Variants in PKD2 observed in about 807,000 individuals in gnomAD.
PKD2 encodes the protein polycystin-2.
A neutral mutation model predicts 105.9 loss-of-function variants in PKD2; 48 were observed. The ratio of observed to expected loss-of-function variants is 0.45; its 90% CI spans 0.36 to 0.58. The LOEUF is 0.58. Ranked by LOEUF, PKD2 falls within the 20% of genes least tolerant of loss-of-function variation. The probability of loss-of-function intolerance (pLI) is 0.00; values close to 1 mark genes in which losing one functional copy is unlikely to be tolerated. For missense variants in PKD2, 1,078 were observed against 1,255.3 expected, an observed-to-expected ratio of 0.86 and a Z score of 2.13; for synonymous variants, 464 against 481.1, an observed-to-expected ratio of 0.96 and a Z score of 0.46.
intron 2 of PKD2, among the ~76,000 whole-genome samples, chr4:88,033,351 C>T (rs1441089279): frequency 6.6e-6 from 1 of 151,434 alleles, no homozygotes; most frequent in Non-Finnish European, 1.5e-5. Flanking sequence ...CACATGAGCC[C>T]ATGAGATTGA....
chr4:88,008,348 A>G lies in PKD2; in HGVS notation c.595+20A>G, dbSNP rs1239084661. 5 of 1,499,076 alleles carry G rather than the reference A, an allele frequency of 3.3e-6. No homozygotes were observed. The South Asian group carries it at 4.9e-5, about 15-fold the overall frequency. The allele number at this position is 1,499,076 out of a possible 1,614,324, so 92.9% of individuals were successfully genotyped here. On this transcript the variant is annotated intron_variant, in intron 1 of 14. Coordinates refer to ENST00000237596, the MANE Select transcript of PKD2 (RefSeq NM_000297.4). ...TGCGAGGTAAGAGCGCGCGACCCGC[A>G]GCGGCAGATGCACGAACCAGAACGG...
intron 6 of PKD2, among the ~76,000 whole-genome samples, chr4:88,050,736 C>T (rs1180932836): frequency 1.3e-5 from 2 of 152,202 alleles, no homozygotes; most frequent in Non-Finnish European, 2.9e-5. Context: ...CCTATTCCCA[C>T]TGCAGGCCTT....
chr4:88,075,459 A>T lies in PKD2; in HGVS notation c.2672A>T (p.Asp891Val), dbSNP rs942844617. 3 of 1,612,366 alleles carry T rather than the reference A, an allele frequency of 1.9e-6. No individual in the cohort carries two copies. The highest frequency in any genetic ancestry group is 8.5e-7 in the Non-Finnish European group (1 of 1,178,548). ...ACCAGTTTCTTTTTCCCTTTTTAGG[A>T]TGAAAGGCTGGGTCGTGACAGTGAA... ...LGRLLDGVAEDERLGRDSEIH... is the reference protein window; with the variant it reads ...LGRLLDGVAEVERLGRDSEIH... Residue 891 changes from aspartate to valine, a missense_variant and splice_region_variant, in exon 15 of 15, where the codon GAT (aspartate) becomes GTT (valine). By Grantham distance (152) the Asp-to-Val change is radical. Coordinates refer to ENST00000237596, the MANE Select transcript of PKD2 (RefSeq NM_000297.4).
chr4:88,027,698 C>G (rs1452158528), intron 2 of PKD2, among the ~76,000 whole-genome samples: 1 of 152,154 alleles, frequency 6.6e-6, no homozygotes, highest in Non-Finnish European at 1.5e-5. Flanking sequence ...AATCTCATCT[C>G]CAATTGTAAT....
At chr4:88,026,090 T>C (rs960346749) in intron 2 of PKD2, among the ~76,000 whole-genome samples, 3 of 151,656 alleles carry the variant, frequency 2.0e-5, no homozygotes, top group Non-Finnish European at 2.9e-5. Context: ...CCTGAAGATA[T>C]GGAAGCGACT....
At chr4:88,033,194 A>G (rs763776542) in intron 2 of PKD2, among the ~76,000 whole-genome samples, 1 of 152,138 alleles carries the variant, frequency 6.6e-6, no homozygotes, top group Non-Finnish European at 1.5e-5. Context: ...TGGGAGGCCG[A>G]GCAGGGAGGA....
At chr4:88,072,114 C>T (rs1721059575) in intron 13 of PKD2, among the ~76,000 whole-genome samples, 1 of 151,486 alleles carries the variant, frequency 6.6e-6, no homozygotes, top group African/African-American at 2.4e-5. Context: ...TCTCAAGTAG[C>T]TAGGACTACA....
At chr4:88,045,018 GAATAAA>G (rs150969915) in intron 5 of PKD2, among the ~76,000 whole-genome samples, 139 of 152,154 alleles carry the variant, frequency 9.1e-4, no homozygotes, top group African/African-American at 3.0e-3. Flanking sequence ...AAAAAGAAAA[GAATAAA>G]AAGGAAGAGA....
At chr4:88,017,739 T>C (rs563181218) in intron 1 of PKD2, among the ~76,000 whole-genome samples, 3 of 152,170 alleles carry the variant, frequency 2.0e-5, no homozygotes, top group African/African-American at 7.2e-5. Context: ...TAGGAGTTTG[T>C]TTTTTTCTAT....
intron 6 of PKD2, among the ~76,000 whole-genome samples, chr4:88,051,147 C>G (rs1204035488): frequency 6.6e-6 from 1 of 152,036 alleles, no homozygotes; most frequent in Non-Finnish European, 1.5e-5. Flanking sequence ...AGCTTAGAAC[C>G]AAAGCATATG....
chr4:88,032,976 T>C (rs1030596723), intron 2 of PKD2, among the ~76,000 whole-genome samples: 1 of 151,940 alleles, frequency 6.6e-6, no homozygotes, highest in Admixed American at 6.6e-5. Context: ...CAAAACCAAA[T>C]CATTATGACT....
rs1721221222 is a variant in PKD2 at position 88,075,947 on chromosome 4, G to A, written c.*253G>A. 2.1e-6 allele frequency: 1 copy of A among 484,558 alleles called. No individual in the cohort carries two copies. Among genetic ancestry groups the A allele is most frequent in the Non-Finnish European group, 3.7e-6 (1 of 267,106 alleles). 30.0% of individuals were successfully genotyped at this position (484,558 alleles called of 1,614,324 possible). A position where few individuals can be genotyped will look rare whatever the true frequency, so the allele number is the denominator to read the frequency against. On this transcript the variant is annotated 3_prime_UTR_variant, in exon 15 of 15. Coordinates refer to ENST00000237596, the MANE Select transcript of PKD2 (RefSeq NM_000297.4). ...AAAAAAAATCTTCATGATGTGTATT[G>A]AGCGGTACGCCCAGTTGCCACCATG... is the stretch of plus-strand genomic sequence containing the variant.
In PKD2 at chr4:88,036,336, A is replaced by G. The variant is rs745604753; in HGVS notation, c.826A>G (p.Met276Val). The stretch of plus-strand genomic sequence containing the variant: ...AACTAACTTTAAAACTCTGTCTTCC[A>G]TGGAAGACTTCTGGAAGGTATTTGC... ...EKTNFKTLSS[M>V]EDFWKFTEGS... The change falls in exon 3 of 15, where the codon ATG (methionine) becomes GTG (valine). Residue 276 changes from methionine to valine, a missense_variant. Physicochemically the swap from Met to Val is conservative, Grantham distance 21. Coordinates refer to ENST00000237596, the MANE Select transcript of PKD2 (RefSeq NM_000297.4). 16 of 1,613,776 alleles carry G rather than the reference A, an allele frequency of 9.9e-6. No individual in the cohort carries two copies. Among genetic ancestry groups the G allele is most frequent in the Admixed American group, 5.0e-5 (3 of 60,008 alleles).
chr4:88,007,808 C>A lies in PKD2; in HGVS notation c.75C>A (p.Asp25Glu), dbSNP rs1326771400. ...AKRPPAPRAP[D>E]PGRLMAGCAA... The stretch of plus-strand genomic sequence containing the variant: ...GGCCGCCCGCGCCCCGCGCGCCGGA[C>A]CCGGGCCGGCTGATGGCTGGCTGCG... Residue 25 changes from aspartate to glutamate, a missense_variant, in exon 1 of 15, where the codon GAC becomes GAA. Physicochemically the swap from Asp to Glu is conservative, Grantham distance 45. Around this residue, in one of 2 missense-constraint regions of PKD2, gnomAD observed 210 missense variants for 187.9 expected, o/e 1.12. Coordinates refer to ENST00000237596, the MANE Select transcript of PKD2 (RefSeq NM_000297.4). 1.7e-6 allele frequency: 2 copies of A among 1,165,852 alleles called. No individual in the cohort carries two copies. The highest frequency in any genetic ancestry group is 2.1e-6 in the Non-Finnish European group (2 of 948,300). The allele number at this position is 1,165,852 out of a possible 1,614,324, so 72.2% of individuals were successfully genotyped here. A position where few individuals can be genotyped will look rare whatever the true frequency, so the allele number is the denominator to read the frequency against.
chr4:88,025,127 G>A (rs894987797), intron 2 of PKD2, among the ~76,000 whole-genome samples: 5 of 150,280 alleles, frequency 3.3e-5, no homozygotes, highest in South Asian at 2.1e-4. Context: ...GCGACAGAAC[G>A]AGACTCTGTC....
At chr4:88,068,156 C>T (rs1339604788) in intron 13 of PKD2, 95 bp downstream of exon 13, 7 of 1,009,038 alleles carry the variant, frequency 6.9e-6, no homozygotes, top group Non-Finnish European at 1.1e-5. Flanking sequence ...CTTTCCATTA[C>T]TAATCATCCA....
chr4:88,071,538 TG>T (rs1721032941), intron 13 of PKD2, among the ~76,000 whole-genome samples: 1 of 152,120 alleles, frequency 6.6e-6, no homozygotes, highest in South Asian at 2.1e-4. Flanking sequence ...CCTGTTTTTT[TG>T]TTTTGTTTTT....
intron 13 of PKD2, 64 bp downstream of exon 13, chr4:88,068,125 C>T (rs1720865586): frequency 1.6e-6 from 2 of 1,256,852 alleles, no homozygotes; most frequent in Admixed American, 1.7e-5. Context: ...AGGCAGTTCC[C>T]TCATCTCTCT....
At chr4:88,039,289 A>G (rs1039516604) in intron 4 of PKD2, among the ~76,000 whole-genome samples, 3 of 152,174 alleles carry the variant, frequency 2.0e-5, no homozygotes, top group African/African-American at 4.8e-5. Flanking sequence ...ACAATGGGCA[A>G]TCACCTTTTC....
Sources: allele counts gnomAD v4.1 joint callset (sites outside exome capture counted in the v4.1 genomes callset), GRCh38; gene constraint gnomAD v4.1.1; regional missense constraint gnomAD v4.1.1; transcripts MANE v1.5; gene names NCBI Gene and HGNC (gene_info 2026-07-23, HGNC 2026-07-21).